Variants in MCU observed in about 807,000 individuals in gnomAD.
MCU encodes the protein mitochondrial calcium uniporter.
Under a neutral mutation model 45.2 loss-of-function variants are expected in MCU, and 12 were observed. The ratio of observed to expected loss-of-function variants is 0.27; its 90% confidence interval spans 0.17 to 0.43. The LOEUF (loss-of-function observed/expected upper bound fraction) is 0.43. MCU is among the 20% of genes least tolerant of loss of function. MCU has a pLI of 1.00. For missense variants in MCU, 324 were observed against 436.7 expected (o/e 0.74, Z 2.30); for synonymous variants, 160 against 165.1 (o/e 0.97, Z 0.24).
intron 1 of MCU, among the ~76,000 whole-genome samples, chr10:72,785,266 G>A (rs144421152): frequency 2.0e-5 from 3 of 152,306 alleles, no homozygotes; most frequent in African/African-American, 7.2e-5. Context: ...GTTTACCAAA[G>A]CTACAACTTT....
chr10:72,800,935 C>CA (rs906101080), intron 1 of MCU, among the ~76,000 whole-genome samples: 3 of 152,076 alleles, frequency 2.0e-5, no homozygotes, highest in East Asian at 1.9e-4. Flanking sequence ...CCTGTCTCTA[C>CA]AAAAAAATTA....
At chr10:72,844,185 G>A (rs529381905) in intron 2 of MCU, among the ~76,000 whole-genome samples, 33 of 152,076 alleles carry the variant, frequency 2.2e-4, no homozygotes, top group Non-Finnish European at 4.4e-4. Flanking sequence ...TCAGGAGTTC[G>A]AGACCAGCCT....
intron 1 of MCU, among the ~76,000 whole-genome samples, chr10:72,711,723 T>G (rs894183548): frequency 6.9e-6 from 1 of 145,068 alleles, no homozygotes; most frequent in African/African-American, 2.5e-5. Context: ...TTTTTTTTTT[T>G]TTTTTTGAGA....
intron 2 of MCU, among the ~76,000 whole-genome samples, chr10:72,854,871 C>T (rs1388686531): frequency 6.6e-6 from 1 of 152,222 alleles, no homozygotes; most frequent in Non-Finnish European, 1.5e-5. Flanking sequence ...TTATGACCCA[C>T]AGAGTCTAAA....
In MCU at chr10:72,741,314, C is replaced by T. The variant is rs181515655; in HGVS notation, c.150+49013C>T. On this transcript the variant is annotated intron_variant, in intron 1 of 7. Coordinates refer to ENST00000373053, the MANE Select transcript of MCU (RefSeq NM_138357.3). ...TGGGGTTTCACCATGTTGGCCAGGC[C>T]GGTCTCAAACTCCTGACCTCAGGTG... is the stretch of plus-strand genomic sequence containing the variant. 6.0e-3 allele frequency among the ~76,000 whole-genome samples: 907 copies of T among 151,986 alleles called. 12 individuals carry two copies. The highest frequency in any genetic ancestry group is 0.02 in the African/African-American group (825 of 41,496).
chr10:72,866,933 T>C (rs1381185207), intron 4 of MCU, among the ~76,000 whole-genome samples: 1 of 151,576 alleles, frequency 6.6e-6, no homozygotes, highest in East Asian at 1.9e-4. Flanking sequence ...TTTAAAGCTA[T>C]ATGCAAATGT....
At chr10:72,757,565 A>AG (rs1843596397) in intron 1 of MCU, among the ~76,000 whole-genome samples, 2 of 151,248 alleles carry the variant, frequency 1.3e-5, no homozygotes. Context: ...AGGCCATAAA[A>AG]ATTGGAGTAA....
chr10:72,828,160 A>T (rs1202602014), intron 1 of MCU, among the ~76,000 whole-genome samples: 2 of 152,306 alleles, frequency 1.3e-5, no homozygotes, highest in East Asian at 3.9e-4. Flanking sequence ...TTAGAAAAGA[A>T]ATTTTTGGAA....
At chr10:72,744,217 G>A (rs1017187074) in intron 1 of MCU, among the ~76,000 whole-genome samples, 1 of 148,812 alleles carries the variant, frequency 6.7e-6, no homozygotes, top group African/African-American at 2.5e-5. Flanking sequence ...TCATTTTTCA[G>A]GTATCCAAAG....
intron 2 of MCU, among the ~76,000 whole-genome samples, chr10:72,844,859 A>G (rs146586043): frequency 9.5e-4 from 145 of 152,314 alleles, no homozygotes; most frequent in African/African-American, 2.9e-3. Context: ...TAAGATAGGA[A>G]TAAATGCAGA....
At chr10:72,864,481 C>T (rs950883039) in intron 4 of MCU, among the ~76,000 whole-genome samples, 3 of 152,182 alleles carry the variant, frequency 2.0e-5, no homozygotes, top group African/African-American at 7.2e-5. Flanking sequence ...ACAATGTAAA[C>T]TTACAATGTA....
intron 1 of MCU, among the ~76,000 whole-genome samples, chr10:72,705,179 A>T (rs1261322591): frequency 2.0e-5 from 3 of 151,996 alleles, no homozygotes; most frequent in African/African-American, 4.8e-5. Context: ...AATTTTTTTT[A>T]AAAAATCTTA....
intron 1 of MCU, among the ~76,000 whole-genome samples, chr10:72,711,284 G>A (rs575325335): frequency 3.4e-5 from 5 of 146,802 alleles, no homozygotes; most frequent in East Asian, 4.1e-4. Flanking sequence ...GCAGTGGTGC[G>A]ATCTCGGCTC....
chr10:72,702,780 C>T (rs1395691380), intron 1 of MCU, among the ~76,000 whole-genome samples: 1 of 152,010 alleles, frequency 6.6e-6, no homozygotes, highest in Non-Finnish European at 1.5e-5. Flanking sequence ...AGCTCAAGAC[C>T]AGCCTGGCCA....
chr10:72,839,201 G>A (rs543621766), intron 2 of MCU, among the ~76,000 whole-genome samples: 2 of 152,132 alleles, frequency 1.3e-5, no homozygotes, highest in South Asian at 2.1e-4. Flanking sequence ...TGTTGGCCAC[G>A]CTGGTCTCGA....
intron 1 of MCU, among the ~76,000 whole-genome samples, chr10:72,804,673 A>C (rs1678272069): frequency 6.6e-6 from 1 of 152,216 alleles, no homozygotes; most frequent in Non-Finnish European, 1.5e-5. Flanking sequence ...AGTCACAGTC[A>C]TTGTAGTATT....
At chr10:72,750,566 C>T (rs971797482) in intron 1 of MCU, among the ~76,000 whole-genome samples, 2 of 152,166 alleles carry the variant, frequency 1.3e-5, no homozygotes, top group Admixed American at 6.5e-5. Flanking sequence ...TAGGCTTTTA[C>T]ATTTTCAAGA....
chr10:72,809,287 A>G (rs1458936857), intron 1 of MCU, among the ~76,000 whole-genome samples: 2 of 152,246 alleles, frequency 1.3e-5, no homozygotes, highest in Non-Finnish European at 2.9e-5. Context: ...AACTTGCTCC[A>G]AACCACAAAG....
chr10:72,796,446 C>A lies in MCU; in HGVS notation c.151-37913C>A, dbSNP rs144927876. On this transcript the variant is annotated intron_variant, in intron 1 of 7. Transcript: ENST00000373053. ...TAAAAAACCACAATAACAACAACAA[C>A]AAAAAACCTTTAAAACAACAATTAA... is the stretch of plus-strand genomic sequence containing the variant. Among the ~76,000 whole-genome samples, 924 of 152,204 alleles carry A rather than the reference C, an allele frequency of 6.1e-3. 12 individuals are homozygous for A. The highest frequency in any genetic ancestry group is 0.021 in the African/African-American group (859 of 41,532).
Sources: allele counts gnomAD v4.1 joint callset (sites outside exome capture counted in the v4.1 genomes callset), GRCh38; gene constraint gnomAD v4.1.1; transcripts MANE v1.5; gene names NCBI Gene and HGNC (gene_info 2026-07-23, HGNC 2026-07-21).